RIN2: variants seen among roughly 807,000 people sequenced by gnomAD.
The protein encoded by RIN2 is RAB5 interacting protein 2.
RIN2 carries 36 observed loss-of-function variants against 78.0 expected under a neutral mutation model. The ratio of observed to expected loss-of-function variants is 0.46; its 90% confidence interval spans 0.35 to 0.61. The LOEUF is 0.61. Among genes scored for constraint, RIN2 ranks in the 20% least tolerant of loss-of-function variants. The pLI is 0.00. For missense variants in RIN2, 1,087 were observed against 1,159.7 expected, an observed-to-expected ratio of 0.94 and a Z score of 0.91; for synonymous variants, 466 against 466.8, an observed-to-expected ratio of 1.00 and a Z score of 0.02.
At chr20:19,970,481 G>A (rs1482463284) in intron 7 of RIN2, among the ~76,000 whole-genome samples, 2 of 152,128 alleles carry the variant, frequency 1.3e-5, no homozygotes, top group African/African-American at 4.8e-5. Flanking sequence ...CATTCACATA[G>A]GCATGCAGTG....
intron 2 of RIN2, among the ~76,000 whole-genome samples, chr20:19,887,196 T>A (rs1005246128): frequency 6.5e-4 from 89 of 136,324 alleles, no homozygotes; most frequent in African/African-American, 2.3e-3. Context: ...TTTTTTTTTT[T>A]AATTTTTTTT....
At chr20:19,792,413 G>C (rs1018425283) in intron 1 of RIN2, among the ~76,000 whole-genome samples, 1 of 152,126 alleles carries the variant, frequency 6.6e-6, no homozygotes, top group Admixed American at 6.5e-5. Context: ...GAATCCACCC[G>C]GGTCATCAGA....
chr20:19,757,877 CG>C (rs1194961101), upstream of RIN2: 1 of 152,392 alleles, frequency 6.6e-6, no homozygotes, highest in Non-Finnish European at 1.5e-5. Flanking sequence ...AAGTTTGCTC[CG>C]GCTTAGATAA....
chr20:19,904,127 GA>G (rs1439631682), intron 3 of RIN2, among the ~76,000 whole-genome samples: 1 of 151,836 alleles, frequency 6.6e-6, no homozygotes, highest in Non-Finnish European at 1.5e-5. Flanking sequence ...AGCCACTCGG[GA>G]GGCTGAGGCA....
intron 3 of RIN2, among the ~76,000 whole-genome samples, chr20:19,920,988 G>GTTTTTTGT (rs34052004): frequency 0.065 from 9,786 of 151,564 alleles, 953 homozygotes; most frequent in African/African-American, 0.21. Context: ...AGTTTTTTGG[G>GTTTTTTGT]TTGTTTGTTT....
chr20:19,813,023 A>G (rs2035651684), intron 2 of RIN2, among the ~76,000 whole-genome samples: 1 of 152,226 alleles, frequency 6.6e-6, no homozygotes, highest in South Asian at 2.1e-4. Flanking sequence ...GAATGGAGGA[A>G]TTGAGGGGAG....
intron 3 of RIN2, among the ~76,000 whole-genome samples, chr20:19,927,566 C>T (rs977109581): frequency 3.9e-5 from 6 of 152,064 alleles, no homozygotes; most frequent in East Asian, 1.9e-4. Flanking sequence ...AGGTGCATGC[C>T]GCCATGCCCA....
At chr20:19,793,768 T>C (rs1600470569) in intron 1 of RIN2, among the ~76,000 whole-genome samples, 1 of 152,342 alleles carries the variant, frequency 6.6e-6, no homozygotes, top group East Asian at 1.9e-4. Flanking sequence ...TTTCTAAGGT[T>C]GACAATTCAT....
intron 5 of RIN2, 34 bp downstream of exon 5, chr20:19,956,841 C>T (rs371441644): frequency 1.3e-6 from 2 of 1,484,606 alleles, no homozygotes; most frequent in South Asian, 2.7e-5. Flanking sequence ...CAGGTTGAAG[C>T]AGGCAGGACT....
At chr20:19,980,832 A>G (rs1298995918) in intron 9 of RIN2, among the ~76,000 whole-genome samples, 1 of 152,176 alleles carries the variant, frequency 6.6e-6, no homozygotes, top group Admixed American at 6.5e-5. Context: ...TCACTAGCTC[A>G]GTCTCTCAAC....
intron 2 of RIN2, among the ~76,000 whole-genome samples, chr20:19,851,666 G>C (rs935416553): frequency 3.3e-5 from 5 of 152,084 alleles, no homozygotes; most frequent in African/African-American, 1.2e-4. Flanking sequence ...AGAATGCAGT[G>C]AGTTATGATT....
chr20:19,962,946 G>A lies in RIN2; in HGVS notation c.464-2006G>A, dbSNP rs1464836020. 4.6e-5 allele frequency among the ~76,000 whole-genome samples: 7 copies of A among 152,288 alleles called. No individual in the cohort carries two copies. In the South Asian group the frequency reaches 1.4e-3, roughly 32 times the overall value. On this transcript the variant is annotated intron_variant, in intron 6 of 12. Coordinates refer to ENST00000255006, the MANE Select transcript of RIN2 (RefSeq NM_018993.4). Reference sequence around the variant, plus strand: ...CACTCTCCAGCCTGGGCGACAGAGTGAGACTTTATCTCAAATAAATAAATA... The same window carrying A: ...CACTCTCCAGCCTGGGCGACAGAGTAAGACTTTATCTCAAATAAATAAATA...
chr20:19,870,948 A>G (rs1335036101), intron 2 of RIN2, among the ~76,000 whole-genome samples: 6 of 152,196 alleles, frequency 3.9e-5, no homozygotes, highest in Admixed American at 3.3e-4. Flanking sequence ...TGTAGTTACT[A>G]TCGGTCCCCT....
In RIN2 at chr20:19,965,016, C is replaced by T; in HGVS notation, c.528C>T (p.Cys176=). 6.2e-7 allele frequency: 1 copy of T among 1,612,562 alleles called. No homozygotes were observed. Among genetic ancestry groups the T allele is most frequent in the Non-Finnish European group, 8.5e-7 (1 of 1,179,212 alleles). ...TATTCCGGCTCATTGCTTTCTACTG[C>T]ATCAGCAGGTAAGGCCTCTTCCTCT... ...ADLFRLIAFY[C]ISRDVLPFTL... Residue 176 remains cysteine, a synonymous_variant, in exon 7 of 13, where the codon TGC becomes TGT. Transcript: ENST00000255006.
At chr20:19,919,081 C>T (rs374385564) in intron 3 of RIN2, among the ~76,000 whole-genome samples, 1 of 152,192 alleles carries the variant, frequency 6.6e-6, no homozygotes, top group South Asian at 2.1e-4. Context: ...TGTGTTTCCC[C>T]AGGAAGCTGA....
intron 2 of RIN2, among the ~76,000 whole-genome samples, chr20:19,857,349 A>T: frequency 6.6e-6 from 1 of 152,160 alleles, no homozygotes; most frequent in Non-Finnish European, 1.5e-5. Context: ...CATTGTATGA[A>T]TAATACAATG....
chr20:19,923,213 C>T (rs944580790), intron 3 of RIN2, among the ~76,000 whole-genome samples: 3 of 151,786 alleles, frequency 2.0e-5, no homozygotes, highest in African/African-American at 4.8e-5. Context: ...GTCAGGAGTT[C>T]GAGACCAGCC....
rs1431689668 is a variant in RIN2 at position 19,960,210 on chromosome 20, T to C, written c.352-490T>C. 3.3e-5 allele frequency among the ~76,000 whole-genome samples: 5 copies of C among 152,266 alleles called. No individual in the cohort carries two copies. In the East Asian group the frequency reaches 9.6e-4, roughly 29 times the overall value. Reference sequence around the variant, plus strand: ...TGAAAACAAAAAACAAAGCAACTTCTGCTTTTTCACTGTTGGCCACAAACT... The same window carrying C: ...TGAAAACAAAAAACAAAGCAACTTCCGCTTTTTCACTGTTGGCCACAAACT... On this transcript the variant is annotated intron_variant, in intron 5 of 12. Transcript: ENST00000255006.
At chr20:19,844,891 AC>A (rs1207187295) in intron 2 of RIN2, among the ~76,000 whole-genome samples, 1 of 151,030 alleles carries the variant, frequency 6.6e-6, no homozygotes, top group Admixed American at 6.6e-5. Flanking sequence ...ACAGTCCCCC[AC>A]CCCCCAACAG....
Sources: gnomAD v4.1 joint callset for allele counts (sites outside exome capture counted in the v4.1 genomes callset) on GRCh38, gnomAD v4.1.1 for gene constraint, MANE v1.5 for transcripts, NCBI Gene and HGNC (gene_info 2026-07-23, HGNC 2026-07-21) for gene names.